The following ESYT1 variants were observed in gnomAD, a reference collection of about 807,000 sequenced individuals.
The protein encoded by ESYT1 is extended synaptotagmin 1.
In ESYT1, 116 loss-of-function variants were observed where a neutral mutation model predicts 154.2. The observed-to-expected ratio is 0.75, with a 90% confidence interval of 0.65 to 0.88. The LOEUF is 0.88. ESYT1 is among the 40% of genes least tolerant of loss of function. ESYT1 has a pLI of 0.00. For missense variants in ESYT1, 1,264 were observed against 1,379.3 expected (o/e 0.92, Z 1.32); for synonymous variants, 500 against 539.9 (o/e 0.93, Z 1.02).
In ESYT1 at chr12:56,143,342, G is replaced by A; in HGVS notation, c.3225+9G>A. ...GTGAGCTGCTGGGGAAGGTAAGAGG[G>A]CAGGATGGCAGGGCAGAGGTGAGGG... On this transcript the variant is annotated intron_variant, in intron 29 of 30. Transcript: ENST00000394048. 6.2e-7 allele frequency: 1 copy of A among 1,613,066 alleles called. No homozygotes were observed. The highest frequency in any genetic ancestry group is 1.1e-5 in the South Asian group (1 of 91,058).
chr12:56,143,273 G>T lies in ESYT1; in HGVS notation c.3165G>T (p.Leu1055=). ...TGGATGAGGCCCAGAGACGAAAGCT[G>T]GATGTCTCTGTCAAGTCTAATTCCT... ...LPLDEAQRRK[L]DVSVKSNSSF... Residue 1055 remains leucine (L), a synonymous_variant, in exon 29 of 31, where the codon CTG becomes CTT. Transcript: ENST00000394048. 6.2e-7 allele frequency: 1 copy of T among 1,614,174 alleles called. No homozygotes were observed. Among genetic ancestry groups the T allele is most frequent in the Non-Finnish European group, 8.5e-7 (1 of 1,180,032 alleles).
At chr12:56,130,481 C>A in intron 1 of ESYT1, 101 bp from the exon 2 acceptor site, 1 of 1,452,306 alleles carries the variant, frequency 6.9e-7, no homozygotes, top group Non-Finnish European at 9.7e-7. Context: ...TGAGGAGTCA[C>A]ACACACTCCC....
In ESYT1 at chr12:56,130,918, G is replaced by T. The variant is rs377064523; in HGVS notation, c.560G>T (p.Gly187Val). The change falls in exon 3 of 31, where the codon GGT (glycine) becomes GTT (valine). Residue 187 changes from glycine (G) to valine (V), a missense_variant. Gly to Val is a moderately radical substitution (Grantham distance 109). Transcript: ENST00000394048. ...QTFTFTRVEL[G>V]EKPLRIIGVK... ...TTTACATTTACACGAGTGGAACTGG[G>T]TGAAAAGGTATGTGTGGAGGAGGGA... The T allele has an allele frequency of 6.2e-7, 1 of 1,614,222 alleles. No homozygotes were observed. The highest frequency in any genetic ancestry group is 1.7e-5 in the Admixed American group (1 of 60,032).
chr12:56,141,436 A>C (rs992094891), intron 24 of ESYT1, among the ~76,000 whole-genome samples: 19 of 152,240 alleles, frequency 1.2e-4, no homozygotes, highest in African/African-American at 3.6e-4. Flanking sequence ...TGTAGGTATT[A>C]CTGGTATAAT....
In ESYT1 at chr12:56,138,807, C is replaced by G; in HGVS notation, c.2473C>G (p.Leu825Val). 1 of 1,614,216 alleles carries G rather than the reference C, an allele frequency of 6.2e-7. No individual in the cohort carries two copies. The highest frequency in any genetic ancestry group is 8.5e-7 in the Non-Finnish European group (1 of 1,180,032). Residue 825 changes from leucine (L) to valine (V), a missense_variant, in exon 23 of 31, where the codon CTC becomes GTC. Coordinates refer to ENST00000394048, the MANE Select transcript of ESYT1 (RefSeq NM_015292.3). ...CAAGCACCTCAGCCCTTATGCTACT[C>G]TCACTGTGGGAGATAGTTCTCATAA... ...GTKHLSPYATLTVGDSSHKTK... is the reference protein window; with the variant it reads ...GTKHLSPYATVTVGDSSHKTK...
chr12:56,144,228 T>G lies in ESYT1; in HGVS notation c.*366T>G. The G allele has an allele frequency of 8.9e-7, 1 of 1,119,416 alleles. No individual in the cohort carries two copies. The highest frequency in any genetic ancestry group is 1.6e-5 in the African/African-American group (1 of 62,042). 69.3% of individuals were successfully genotyped at this position (1,119,416 alleles called of 1,614,324 possible). A position where few individuals can be genotyped will look rare whatever the true frequency, so the allele number is the denominator to read the frequency against. The stretch of plus-strand genomic sequence containing the variant: ...CCAAATACAGCTTTGGAAGGATCTT[T>G]TTTTCTTTAACTAGATGGTCACCTT... On this transcript the variant is annotated 3_prime_UTR_variant, in exon 31 of 31. Transcript: ENST00000394048.
rs1309997781 is a variant in ESYT1 at position 56,133,564 on chromosome 12, C to G, written c.1294-24C>G. The G allele has an allele frequency of 2.5e-6, 4 of 1,613,718 alleles. No homozygotes were observed. The African/African-American group carries it at 5.3e-5, about 22-fold the overall frequency. The stretch of plus-strand genomic sequence containing the variant: ...AAGTAGTTGAGCAGGTATCTGATCT[C>G]TACTACATCTCAATTTCTTCTAGTG... On this transcript the variant is annotated intron_variant, in intron 11 of 30. Coordinates refer to ENST00000394048, the MANE Select transcript of ESYT1 (RefSeq NM_015292.3).
intron 29 of ESYT1, 64 bp from the exon 30 acceptor site, chr12:56,143,516 G>C: frequency 6.9e-6 from 11 of 1,597,820 alleles, no homozygotes; most frequent in Non-Finnish European, 9.4e-6. Flanking sequence ...AGCATCATCA[G>C]AATGAGATCC....
intron 24 of ESYT1, among the ~76,000 whole-genome samples, chr12:56,139,275 A>AT (rs1350254801): frequency 1.3e-5 from 2 of 151,728 alleles, no homozygotes; most frequent in Non-Finnish European, 2.9e-5. Context: ...CACCTGGCTA[A>AT]TTTTTGCATT....
rs750237155 is a variant in ESYT1, at chr12:56,143,879, GC to G, written c.*19del. On this transcript the variant is annotated 3_prime_UTR_variant, in exon 31 of 31. Transcript: ENST00000394048. ...AGCTCCTAGGAGCTGGCGAGTCCCA[GC>G]CTGACTGCTCTGTCTTCCTGCCTTC... 4.3e-6 allele frequency: 7 copies of G among 1,613,708 alleles called. No homozygotes were observed. The highest frequency in any genetic ancestry group is 5.9e-6 in the Non-Finnish European group (7 of 1,179,872).
rs536301681 is a variant in ESYT1, at chr12:56,142,799, C to T, written c.2889-36C>T. On this transcript the variant is annotated intron_variant, in intron 26 of 30. Transcript: ENST00000394048. This position sits in a 1 kb window ranked among gnomAD's most constrained non-coding sequence, Gnocchi z 4.1. The stretch of plus-strand genomic sequence containing the variant: ...AAAAGTATTACAGGTTCACTAGGCT[C>T]TAGCTTTCCCCAGACCTACTGATAT... 3 of 1,613,770 alleles carry T rather than the reference C, an allele frequency of 1.9e-6. No homozygotes were observed. In the Admixed American group the frequency reaches 5.0e-5, roughly 27 times the overall value.
chr12:56,143,806 G>A lies in ESYT1; in HGVS notation c.3276-17G>A, dbSNP rs1870812462. On this transcript the variant is annotated splice_polypyrimidine_tract_variant and intron_variant, in intron 30 of 30. Transcript: ENST00000394048. ...TGACACAAGAGTCATCTTTCTACAT[G>A]AGCCCTCTTTTCACAGGTATGACCT... is the stretch of plus-strand genomic sequence containing the variant. 26 of 1,614,068 alleles carry A rather than the reference G, an allele frequency of 1.6e-5. No individual in the cohort carries two copies. The highest frequency in any genetic ancestry group is 2.2e-5 in the Non-Finnish European group (26 of 1,179,980).
chr12:56,129,428 C>G (rs1280884968), intron 1 of ESYT1: 1 of 153,152 alleles, frequency 6.5e-6, no homozygotes, highest in Non-Finnish European at 1.5e-5. Context: ...ACCCTTATTT[C>G]TGCGGCGGCC....
chr12:56,133,521 G>C (rs1870326253), intron 11 of ESYT1, 56 bp downstream of exon 11: 1 of 1,613,576 alleles, frequency 6.2e-7, no homozygotes, highest in Admixed American at 1.7e-5. Flanking sequence ...GTAGATAGTA[G>C]TTGCTACATT....
At chr12:56,134,267 T>TA (rs1870358071) in intron 14 of ESYT1, 75 bp from the exon 15 acceptor site, 1 of 1,598,202 alleles carries the variant, frequency 6.3e-7, no homozygotes, top group African/African-American at 1.3e-5. Flanking sequence ...GAATGCCTGT[T>TA]ACATGCAGGG....
At chr12:56,141,596 C>T (rs376870876) in intron 24 of ESYT1, among the ~76,000 whole-genome samples, 7 of 152,186 alleles carry the variant, frequency 4.6e-5, no homozygotes, top group Middle Eastern at 3.4e-3. Context: ...AAAAATTAGC[C>T]GGGTGTGGTG....
intron 15 of ESYT1, among the ~76,000 whole-genome samples, chr12:56,136,209 T>A (rs11171754): frequency 0.016 from 2,453 of 151,810 alleles, 66 homozygotes; most frequent in African/African-American, 0.055. Flanking sequence ...AGCAAAAAAT[T>A]GGATTTTAAT....
chr12:56,139,595 T>TG (rs35238391), intron 24 of ESYT1, among the ~76,000 whole-genome samples: 28,309 of 141,494 alleles, frequency 0.2, 4,146 homozygotes, highest in African/African-American at 0.46. Flanking sequence ...GAGGGTAGAT[T>TG]TTTTTTTTTT....
At position 56,137,255 on chromosome 12, in the gene ESYT1, C is replaced by G; in HGVS notation, c.1820C>G (p.Thr607Arg). The change falls in exon 17 of 31, where the codon ACG becomes AGG. Residue 607 changes from threonine (T) to arginine (R), a missense_variant. Physicochemically the swap from Thr to Arg is moderately conservative, Grantham distance 71. Coordinates refer to ENST00000394048, the MANE Select transcript of ESYT1 (RefSeq NM_015292.3). ...YLDSSEICFP[T>R]VPGCPGAWDV... ...GATTCATCAGAAATATGCTTCCCCA[C>G]GGTGCCTGGTTGTCCTGGTGCTTGG... 6.2e-7 allele frequency: 1 copy of G among 1,614,200 alleles called. No individual in the cohort carries two copies. Among genetic ancestry groups the G allele is most frequent in the African/African-American group, 1.3e-5 (1 of 75,054 alleles).
Sources: allele counts gnomAD v4.1 joint callset (sites outside exome capture counted in the v4.1 genomes callset), GRCh38; gene constraint gnomAD v4.1.1; non-coding constraint Gnocchi (gnomAD v3.1); transcripts MANE v1.5; gene names NCBI Gene and HGNC (gene_info 2026-07-23, HGNC 2026-07-21).